JARID2: variants seen among roughly 807,000 people sequenced by gnomAD.
JARID2 encodes protein Jumonji.
A neutral mutation model predicts 125.6 loss-of-function variants in JARID2; 21 were observed. That is an observed-to-expected ratio of 0.17 (90% CI 0.12 to 0.24). JARID2 has a LOEUF of 0.24. Ranked by LOEUF, JARID2 falls within the 10% of genes least tolerant of loss-of-function variation. JARID2 has a pLI of 1.00. For missense variants in JARID2, 1,303 were observed against 1,639.6 expected (o/e 0.79, Z 3.55); for synonymous variants, 736 against 661.6 (o/e 1.11, Z -1.73).
intron 1 of JARID2, among the ~76,000 whole-genome samples, chr6:15,286,310 T>G (rs976046539): frequency 2.6e-5 from 4 of 151,368 alleles, no homozygotes; most frequent in Non-Finnish European, 4.4e-5. Flanking sequence ...TGGAGTGCAG[T>G]GGTGTGATCT....
intron 5 of JARID2, among the ~76,000 whole-genome samples, chr6:15,479,031 C>T (rs1052382080): frequency 6.6e-6 from 1 of 152,178 alleles, no homozygotes; most frequent in Non-Finnish European, 1.5e-5. Context: ...TACGAGTTAA[C>T]GCCATCCTTT....
chr6:15,465,810 G>GT lies in JARID2; in HGVS notation c.494-2729dup, dbSNP rs751431473. On this transcript the variant is annotated intron_variant, in intron 4 of 17. Transcript: ENST00000341776. Reference sequence around the variant, plus strand: ...TTGCTGTTTGTTTGTTTGTTTGTTTGTTTGTTTTTTTGAGACGGAGTCTTG... The same window carrying GT: ...TTGCTGTTTGTTTGTTTGTTTGTTTGTTTTGTTTTTTTGAGACGGAGTCTTG... 1.0e-3 allele frequency among the ~76,000 whole-genome samples: 149 copies of GT among 147,636 alleles called. 2 individuals carry two copies. The highest frequency in any genetic ancestry group is 8.0e-3 in the East Asian group (40 of 5,024).
At chr6:15,361,589 TAAA>T (rs1763793729) in intron 1 of JARID2, among the ~76,000 whole-genome samples, 2 of 152,354 alleles carry the variant, frequency 1.3e-5, no homozygotes, top group Admixed American at 6.5e-5. Context: ...AGCTTTAACT[TAAA>T]ATGAAGTTGT....
At chr6:15,440,724 G>T (rs1168717672) in intron 3 of JARID2, among the ~76,000 whole-genome samples, 1 of 152,172 alleles carries the variant, frequency 6.6e-6, no homozygotes, top group Non-Finnish European at 1.5e-5. Context: ...TAATAGCTCC[G>T]GTTTTTAAGT....
chr6:15,474,834 G>A (rs989830853), intron 5 of JARID2, among the ~76,000 whole-genome samples: 2 of 152,112 alleles, frequency 1.3e-5, no homozygotes, highest in South Asian at 2.1e-4. Flanking sequence ...ATATCCCACC[G>A]TGTCTTCAAC....
intron 1 of JARID2, among the ~76,000 whole-genome samples, chr6:15,294,514 T>C (rs1490961299): frequency 1.3e-5 from 2 of 152,070 alleles, no homozygotes; most frequent in African/African-American, 4.8e-5. Flanking sequence ...AGAAATTAGG[T>C]AACAGGTCAC....
At chr6:15,338,391 C>G (rs560627466) in intron 1 of JARID2, among the ~76,000 whole-genome samples, 1 of 152,306 alleles carries the variant, frequency 6.6e-6, no homozygotes, top group South Asian at 2.1e-4. Context: ...GCCCTCTGCA[C>G]AAAGGTTTAG....
In JARID2 at chr6:15,517,187, G is replaced by A. The variant is rs190976019; in HGVS notation, c.3477G>A (p.Val1159=). ...TGGTACAAGAGAACGAAAACGTCGT[G>A]TTCTGTCTGGAGTGTGCTCTGCGCC... ...SMVVQENENV[V]FCLECALRHV... is the part of the protein sequence containing the mutation. The change falls in exon 17 of 18, where the codon GTG becomes GTA. Residue 1159 remains valine (V), a synonymous_variant. Coordinates refer to ENST00000341776, the MANE Select transcript of JARID2 (RefSeq NM_004973.4). 9.3e-6 allele frequency: 15 copies of A among 1,614,052 alleles called. No homozygotes were observed. The highest frequency in any genetic ancestry group is 1.6e-4 in the Middle Eastern group (1 of 6,062).
intron 1 of JARID2, among the ~76,000 whole-genome samples, chr6:15,305,954 C>T (rs1434321018): frequency 6.6e-6 from 1 of 152,164 alleles, no homozygotes; most frequent in East Asian, 1.9e-4. Flanking sequence ...TAGTTTTCTA[C>T]TATTCATCTG....
In JARID2 at chr6:15,463,898, C is replaced by A. The variant is rs1768582841; in HGVS notation, c.494-4644C>A. On this transcript the variant is annotated intron_variant, in intron 4 of 17. Transcript: ENST00000341776. ...TCTGACTTGAGGGGTTTGAAATATC[C>A]TTTCTTTCATCCTGTTTGTATTGAG... 2.0e-5 allele frequency among the ~76,000 whole-genome samples: 3 copies of A among 152,138 alleles called. No individual in the cohort carries two copies. The South Asian group carries it at 6.2e-4, about 31-fold the overall frequency.
At chr6:15,247,544 T>TTC in intron 1 of JARID2, 3 of 974,312 alleles carry the variant, frequency 3.1e-6, no homozygotes, top group Non-Finnish European at 3.7e-6. Context: ...TTTTTTTTTT[T>TTC]CAAAAAAGGC....
chr6:15,317,410 G>A (rs1399104966), intron 1 of JARID2, among the ~76,000 whole-genome samples: 1 of 152,208 alleles, frequency 6.6e-6, no homozygotes, highest in East Asian at 1.9e-4. Flanking sequence ...TTTGCAGGTA[G>A]AAATACAGTT....
chr6:15,417,795 G>T (rs541965288), intron 3 of JARID2, among the ~76,000 whole-genome samples: 1 of 152,156 alleles, frequency 6.6e-6, no homozygotes, highest in Non-Finnish European at 1.5e-5. Flanking sequence ...TGTATAAATG[G>T]TACTCTGTAT....
chr6:15,412,313 G>C (rs553322025), intron 3 of JARID2, among the ~76,000 whole-genome samples: 1 of 151,738 alleles, frequency 6.6e-6, no homozygotes, highest in Non-Finnish European at 1.5e-5. Flanking sequence ...TTCTTTTTTT[G>C]GGGGGGTTGA....
intron 1 of JARID2, among the ~76,000 whole-genome samples, chr6:15,370,425 C>T (rs1378186342): frequency 6.6e-6 from 1 of 151,344 alleles, no homozygotes; most frequent in African/African-American, 2.4e-5. Flanking sequence ...GCAAGCTCTG[C>T]CTCCCAGGTT....
chr6:15,327,681 C>T (rs147951683), intron 1 of JARID2, among the ~76,000 whole-genome samples: 43 of 152,072 alleles, frequency 2.8e-4, no homozygotes, highest in African/African-American at 9.4e-4. Context: ...AAGAAGGGCA[C>T]GTAGCAATCT....
chr6:15,471,206 T>G (rs1201666204), intron 5 of JARID2, among the ~76,000 whole-genome samples: 2 of 152,052 alleles, frequency 1.3e-5, no homozygotes, highest in Non-Finnish European at 2.9e-5. Context: ...ATCTTTTGAG[T>G]TTGTGTTGAT....
intron 4 of JARID2, among the ~76,000 whole-genome samples, chr6:15,466,095 C>T (rs1163868518): frequency 2.0e-5 from 3 of 152,196 alleles, no homozygotes; most frequent in Admixed American, 6.5e-5. Flanking sequence ...TGAGCCACCA[C>T]GCCCAGCCTT....
At chr6:15,471,467 T>C (rs1769073788) in intron 5 of JARID2, among the ~76,000 whole-genome samples, 1 of 152,220 alleles carries the variant, frequency 6.6e-6, no homozygotes, top group African/African-American at 2.4e-5. Flanking sequence ...GGCTGTATGA[T>C]AGAAATCTGT....
Sources: gnomAD v4.1 joint callset for allele counts (sites outside exome capture counted in the v4.1 genomes callset) on GRCh38, gnomAD v4.1.1 for gene constraint, MANE v1.5 for transcripts, NCBI Gene and HGNC (gene_info 2026-07-23, HGNC 2026-07-21) for gene names.